DLG2: variants seen among roughly 807,000 people sequenced by gnomAD.
DLG2 encodes discs large MAGUK scaffold protein 2.
In DLG2, 45 loss-of-function variants were observed where a neutral mutation model predicts 132.5. The ratio of observed to expected loss-of-function variants is 0.34; its 90% CI spans 0.27 to 0.44. DLG2 has a LOEUF of 0.44. Among genes scored for constraint, DLG2 ranks in the 20% least tolerant of loss-of-function variants. The pLI, the probability that DLG2 is intolerant of heterozygous loss-of-function variation, is 1.00. For missense variants in DLG2, 1,045 were observed against 1,196.9 expected (o/e 0.87, Z 1.87); for synonymous variants, 424 against 419.6 (o/e 1.01, Z -0.13).
chr11:83,523,398 G>A (rs2095532128), intron 21 of DLG2, among the ~76,000 whole-genome samples: 1 of 152,088 alleles, frequency 6.6e-6, no homozygotes, highest in Non-Finnish European at 1.5e-5. Context: ...TACTTGAATG[G>A]ATAGAATTAG....
chr11:85,413,371 A>G (rs530793813), intron 3 of DLG2, among the ~76,000 whole-genome samples: 10 of 152,082 alleles, frequency 6.6e-5, no homozygotes, highest in Admixed American at 1.3e-4. Flanking sequence ...TACTCTGCTG[A>G]CTGTTCCTTT....
At chr11:85,177,937 A>G (rs1435525314) in intron 4 of DLG2, among the ~76,000 whole-genome samples, 1 of 152,144 alleles carries the variant, frequency 6.6e-6, no homozygotes, top group African/African-American at 2.4e-5. Context: ...AGGCTATTTT[A>G]CAAAATAAAT....
At chr11:84,536,008 A>C (rs1349049223) in intron 6 of DLG2, among the ~76,000 whole-genome samples, 3 of 150,756 alleles carry the variant, frequency 2.0e-5, no homozygotes, top group Non-Finnish European at 4.4e-5. Context: ...CATAGTGGAA[A>C]AGTAACAAGA....
At chr11:85,482,910 T>C (rs913888176) in intron 3 of DLG2, among the ~76,000 whole-genome samples, 1 of 152,174 alleles carries the variant, frequency 6.6e-6, no homozygotes, top group African/African-American at 2.4e-5. Context: ...ATAGCCTTTG[T>C]GGACCCAGGA....
intron 3 of DLG2, among the ~76,000 whole-genome samples, chr11:85,426,769 T>G (rs1565476136): frequency 6.6e-6 from 1 of 152,144 alleles, no homozygotes; most frequent in East Asian, 1.9e-4. Flanking sequence ...GGAACAAAGC[T>G]GAATGGAGAA....
chr11:85,589,590 G>A (rs1271846440), intron 3 of DLG2, among the ~76,000 whole-genome samples: 1 of 152,048 alleles, frequency 6.6e-6, no homozygotes, highest in Non-Finnish European at 1.5e-5. Context: ...ATTCCAAAGG[G>A]GATTATGGCT....
chr11:85,261,212 C>T (rs1448924102), intron 4 of DLG2, among the ~76,000 whole-genome samples: 1 of 152,012 alleles, frequency 6.6e-6, no homozygotes, highest in East Asian at 1.9e-4. Context: ...GCTGGAGGGG[C>T]TACATGCAGA....
chr11:83,612,408 C>T (rs1323071776), intron 19 of DLG2, among the ~76,000 whole-genome samples: 1 of 152,174 alleles, frequency 6.6e-6, no homozygotes, highest in Non-Finnish European at 1.5e-5. Context: ...TAGTCAGCAT[C>T]TGATAAATAG....
chr11:83,588,273 G>A (rs978643807), intron 19 of DLG2, among the ~76,000 whole-genome samples: 20 of 150,500 alleles, frequency 1.3e-4, no homozygotes, highest in South Asian at 4.2e-4. Context: ...CTCCCAGCAC[G>A]CAGCTGGAGA....
chr11:85,620,412 T>C (rs1307311048), intron 2 of DLG2, among the ~76,000 whole-genome samples: 1 of 152,192 alleles, frequency 6.6e-6, no homozygotes, highest in Non-Finnish European at 1.5e-5. Context: ...AAAGGAAACG[T>C]TACACATTTC....
In DLG2 at chr11:83,940,657, G is replaced by C. The variant is rs116970057; in HGVS notation, c.1341-10174C>G. Among the ~76,000 whole-genome samples the C allele has an allele frequency of 6.7e-3, 1,012 of 152,150 alleles. 2 individuals carry two copies. Among genetic ancestry groups the C allele is most frequent in the Non-Finnish European group, 0.01 (695 of 68,006 alleles). On this transcript the variant is annotated intron_variant, in intron 14 of 27. Transcript: ENST00000376104. The stretch of plus-strand genomic sequence containing the variant: ...CCTCAGTGATCTGATTATATTTCTT[G>C]GTCATATTAGCAATTATACCTCCTA...
chr11:84,905,785 T>C lies in DLG2; in HGVS notation c.357+205876A>G, dbSNP rs112741075. Among the ~76,000 whole-genome samples the C allele has an allele frequency of 8.0e-3, 1,219 of 152,318 alleles. 18 individuals are homozygous for C. The highest frequency in any genetic ancestry group is 0.028 in the African/African-American group (1,179 of 41,576). ...TATGTCTCTTAAACTTTACAGGTTT[T>C]TACTCCATCTCTTTCTTTTTCTTAT... On this transcript the variant is annotated intron_variant, in intron 6 of 27. Transcript: ENST00000376104.
chr11:84,623,259 T>C (rs571924063), intron 6 of DLG2, among the ~76,000 whole-genome samples: 1 of 152,312 alleles, frequency 6.6e-6, no homozygotes, highest in South Asian at 2.1e-4. Flanking sequence ...ATCAACGTAA[T>C]GACCCCACCT....
rs1007747024 is a variant in DLG2, at chr11:85,021,483, A to G, written c.357+90178T>C. 4 of 1,440,184 alleles carry G rather than the reference A, an allele frequency of 2.8e-6. No homozygotes were observed. The African/African-American group carries it at 4.2e-5, about 15-fold the overall frequency. The allele number at this position is 1,440,184 out of a possible 1,614,324, so 89.2% of individuals were successfully genotyped here. Reference sequence around the variant, plus strand: ...CAGCCCGGGCATTTCTCTCATTAACATACTGAAAGAAGGCAAAGCCGTTAT... The same window carrying G: ...CAGCCCGGGCATTTCTCTCATTAACGTACTGAAAGAAGGCAAAGCCGTTAT... On this transcript the variant is annotated intron_variant, in intron 6 of 27. Coordinates refer to ENST00000376104, the MANE Select transcript of DLG2 (RefSeq NM_001142699.3).
At chr11:83,703,746 C>G (rs994532472) in intron 18 of DLG2, among the ~76,000 whole-genome samples, 1 of 152,166 alleles carries the variant, frequency 6.6e-6, no homozygotes, top group Non-Finnish European at 1.5e-5. Flanking sequence ...GATGAGAGCT[C>G]TGAAAGATCA....
At chr11:84,565,308 T>C (rs2099448681) in intron 6 of DLG2, among the ~76,000 whole-genome samples, 1 of 152,176 alleles carries the variant, frequency 6.6e-6, no homozygotes, top group Non-Finnish European at 1.5e-5. Flanking sequence ...TAGGGCATCA[T>C]GACTATAGGG....
At chr11:84,042,882 G>C (rs1480077084) in intron 11 of DLG2, among the ~76,000 whole-genome samples, 1 of 151,844 alleles carries the variant, frequency 6.6e-6, no homozygotes, top group Admixed American at 6.6e-5. Context: ...GGGCCTGTAG[G>C]GGGTGAGGTG....
chr11:84,724,388 T>G (rs1667707354), intron 6 of DLG2, among the ~76,000 whole-genome samples: 1 of 152,200 alleles, frequency 6.6e-6, no homozygotes, highest in Non-Finnish European at 1.5e-5. Flanking sequence ...AATATCATGC[T>G]TGCTATGTAC....
intron 7 of DLG2, among the ~76,000 whole-genome samples, chr11:84,389,413 AT>A (rs2098784044): frequency 6.6e-6 from 1 of 152,054 alleles, no homozygotes; most frequent in African/African-American, 2.4e-5. Context: ...GAATTCAGAT[AT>A]TTTTGTACCT....
Sources: allele counts gnomAD v4.1 joint callset (sites outside exome capture counted in the v4.1 genomes callset), GRCh38; gene constraint gnomAD v4.1.1; transcripts MANE v1.5; gene names NCBI Gene and HGNC (gene_info 2026-07-23, HGNC 2026-07-21).